The following ECPAS variants were observed in gnomAD, a reference collection of about 807,000 sequenced individuals.
ECPAS encodes the protein Ecm29 proteasome adaptor and scaffold.
A neutral mutation model predicts 255.1 loss-of-function variants in ECPAS; 70 were observed. The observed-to-expected ratio is 0.27, with a 90% CI of 0.23 to 0.33. The LOEUF (loss-of-function observed/expected upper bound fraction) is 0.33. Ranked by LOEUF, ECPAS falls within the 10% of genes least tolerant of loss-of-function variation. The probability of loss-of-function intolerance (pLI) is 1.00; values close to 1 mark genes in which losing one functional copy is unlikely to be tolerated. For synonymous variants in ECPAS, 784 were observed against 775.0 expected, an observed-to-expected ratio of 1.01 and a Z score of -0.19; for missense variants, 1,817 against 2,206.4, an observed-to-expected ratio of 0.82 and a Z score of 3.54.
chr9:111,366,495 A>T, intron 47 of ECPAS, 27 bp downstream of exon 47: 1 of 1,543,432 alleles, frequency 6.5e-7, no homozygotes, highest in Non-Finnish European at 9.0e-7. Flanking sequence ...GGAACAAAAT[A>T]AAAAACTGAG....
chr9:111,398,037 G>A (rs16916063), intron 24 of ECPAS, among the ~76,000 whole-genome samples: 8,489 of 152,202 alleles, frequency 0.056, 575 homozygotes, highest in African/African-American at 0.15. Flanking sequence ...ACTGTGAACC[G>A]GAAGAAATTT....
rs552829020 is a variant in ECPAS, at chr9:111,420,077, G to A, written c.1499C>T (p.Thr500Met). 15 of 1,612,580 alleles carry A rather than the reference G, an allele frequency of 9.3e-6. No homozygotes were observed. Among genetic ancestry groups the A allele is most frequent in the Admixed American group, 1.7e-5 (1 of 59,932 alleles). Residue 500 changes from threonine to methionine, a missense_variant, in exon 16 of 50, where the codon ACG becomes ATG. Thr to Met is a moderately conservative substitution (Grantham distance 81, BLOSUM62 -1). Transcript: ENST00000684092. ...VRQVAVKFAS[T>M]VFPSDHIPSR... ...AGGGATATGATCTGAGGGAAACACC[G>A]TACTGGCAAATTTCACAGCCACTTG...
chr9:111,370,494 C>T lies in ECPAS; in HGVS notation c.4915G>A (p.Ala1639Thr), dbSNP rs1345935235. 2 of 1,611,168 alleles carry T rather than the reference C, an allele frequency of 1.2e-6. No homozygotes were observed. Among genetic ancestry groups the T allele is most frequent in the African/African-American group, 2.7e-5 (2 of 74,882 alleles). ...TCCTGGAATCTGTCCTCTTTGGTGGCCTTCAAGATATCAGCTGCACAGCTG... is the reference window on the plus strand; with the variant it reads ...TCCTGGAATCTGTCCTCTTTGGTGGTCTTCAAGATATCAGCTGCACAGCTG... ...AISCAADILK[A>T]TKEDRFQEFS... Residue 1639 changes from alanine (A) to threonine (T), a missense_variant, in exon 45 of 50, where the codon GCC becomes ACC. Ala to Thr is a moderately conservative substitution (Grantham distance 58, BLOSUM62 0). Coordinates refer to ENST00000684092, the MANE Select transcript of ECPAS (RefSeq NM_001364929.1).
chr9:111,426,714 C>T (rs909004858), intron 10 of ECPAS, among the ~76,000 whole-genome samples: 5 of 149,976 alleles, frequency 3.3e-5, no homozygotes, highest in Admixed American at 3.3e-4. Flanking sequence ...AAAAAAAAAT[C>T]CCAGCACTTT....
intron 48 of ECPAS, among the ~76,000 whole-genome samples, chr9:111,365,323 T>TCATCATCAC (rs903026856): frequency 3.3e-4 from 49 of 148,446 alleles, no homozygotes; most frequent in African/African-American, 9.6e-4. Context: ...ATCATCATCA[T>TCATCATCAC]CACCTGGACT....
At position 111,420,123 on chromosome 9, in the gene ECPAS, A is replaced by G. The variant is rs756645366; in HGVS notation, c.1456-3T>C. On this transcript the variant is annotated splice_region_variant and splice_polypyrimidine_tract_variant and intron_variant, in intron 15 of 49. Coordinates refer to ENST00000684092, the MANE Select transcript of ECPAS (RefSeq NM_001364929.1). ...ACTTGTCGAACTTGAACTTCAGGCT[A>G]TTTCATGTGTAAACATACACAGACC... 8 of 1,608,062 alleles carry G rather than the reference A, an allele frequency of 5.0e-6. No individual in the cohort carries two copies. Among genetic ancestry groups the G allele is most frequent in the Non-Finnish European group, 6.8e-6 (8 of 1,175,170 alleles).
chr9:111,464,172 C>T (rs1282930227), intron 2 of ECPAS, among the ~76,000 whole-genome samples: 1 of 151,796 alleles, frequency 6.6e-6, no homozygotes, highest in Non-Finnish European at 1.5e-5. Flanking sequence ...GTGGCTCACA[C>T]CTTTAATCCC....
intron 37 of ECPAS, 44 bp from the exon 38 acceptor site, chr9:111,375,246 G>T: frequency 6.9e-7 from 1 of 1,455,138 alleles, no homozygotes. Flanking sequence ...TGGCAAATAA[G>T]TCAGGACCAC....
intron 36 of ECPAS, 78 bp downstream of exon 36, chr9:111,378,502 T>G: frequency 7.1e-7 from 1 of 1,409,686 alleles, no homozygotes; most frequent in Non-Finnish European, 9.6e-7. Context: ...AGTGACAGTG[T>G]CATTCAAATG....
chr9:111,446,651 C>T (rs1021094276), intron 3 of ECPAS, among the ~76,000 whole-genome samples: 1 of 152,178 alleles, frequency 6.6e-6, no homozygotes, highest in Non-Finnish European at 1.5e-5. Flanking sequence ...TCTATGCACT[C>T]TTCCCCCAGG....
chr9:111,372,325 T>C, intron 42 of ECPAS, 104 bp downstream of exon 42: 4 of 1,084,906 alleles, frequency 3.7e-6, no homozygotes, highest in Non-Finnish European at 5.5e-6. Flanking sequence ...CATATTAAGG[T>C]CCTGGGAAAG....
At position 111,417,949 on chromosome 9, in the gene ECPAS, G is replaced by C; in HGVS notation, c.1617C>G (p.Asn539Lys). Reference sequence around the variant, plus strand: ...TCTGCTCAGAAGTACTTTCTTTTCTGTTTCTACCTGGAAGACACCTTAATA... The same window carrying C: ...TCTGCTCAGAAGTACTTTCTTTTCTCTTTCTACCTGGAAGACACCTTAATA... ...QRVLRCLPGR[N>K]RKESTSEQMP... is the part of the protein sequence containing the mutation. Residue 539 changes from asparagine (N) to lysine (K), a missense_variant, in exon 17 of 50, where the codon AAC becomes AAG. Coordinates refer to ENST00000684092, the MANE Select transcript of ECPAS (RefSeq NM_001364929.1). 1.9e-6 allele frequency: 3 copies of C among 1,605,120 alleles called. No homozygotes were observed. The highest frequency in any genetic ancestry group is 2.6e-6 in the Non-Finnish European group (3 of 1,175,542).
chr9:111,389,509 G>A (rs745915013), intron 31 of ECPAS, 47 bp downstream of exon 31: 1 of 1,559,840 alleles, frequency 6.4e-7, no homozygotes, highest in Non-Finnish European at 8.7e-7. Context: ...GCATGACCCT[G>A]GACAGTCTAC....
chr9:111,373,040 A>G (rs1421004183), intron 41 of ECPAS, 130 bp downstream of exon 41: 2 of 842,770 alleles, frequency 2.4e-6, no homozygotes, highest in Non-Finnish European at 3.8e-6. Context: ...TCAAAAAAAA[A>G]GAAAAGAAAA....
Position 111,383,327 on chromosome 9 carries a change from A to C in ECPAS, c.3687T>G (p.Cys1229Trp). ...CTTTGGCAGGGTCACACATTTTCAC[A>C]CAGACCTCACATACAAAGAGCATGG... is the stretch of plus-strand genomic sequence containing the variant. ...ELALKTLSKV[C>W]VKMCDPAKGA... The change falls in exon 35 of 50, where the codon TGT becomes TGG. Residue 1229 changes from cysteine (C) to tryptophan (W), a missense_variant. Transcript: ENST00000684092. The C allele has an allele frequency of 6.2e-7, 1 of 1,610,226 alleles. No homozygotes were observed. Among genetic ancestry groups the C allele is most frequent in the Non-Finnish European group, 8.5e-7 (1 of 1,178,196 alleles).
At chr9:111,377,505 T>C (rs1019139200) in intron 36 of ECPAS, among the ~76,000 whole-genome samples, 1 of 152,176 alleles carries the variant, frequency 6.6e-6, no homozygotes, top group Non-Finnish European at 1.5e-5. Context: ...CTTAAAACCT[T>C]TGATGTTGCA....
At chr9:111,411,195 G>T in intron 21 of ECPAS, 53 bp from the exon 22 acceptor site, 1 of 1,560,086 alleles carries the variant, frequency 6.4e-7, no homozygotes, top group South Asian at 1.1e-5. Flanking sequence ...ATATACGCAA[G>T]AATACATGGC....
At chr9:111,435,406 CA>C (rs1333613918) in intron 7 of ECPAS, among the ~76,000 whole-genome samples, 1 of 152,138 alleles carries the variant, frequency 6.6e-6, no homozygotes, top group Non-Finnish European at 1.5e-5. Context: ...GGCATATTGG[CA>C]AATAATGACC....
intron 2 of ECPAS, among the ~76,000 whole-genome samples, chr9:111,460,646 A>G (rs998508008): frequency 6.6e-6 from 1 of 152,236 alleles, no homozygotes; most frequent in Non-Finnish European, 1.5e-5. Flanking sequence ...CCTATATAAT[A>G]GTAATAAACC....
Sources: gnomAD v4.1 joint callset for allele counts (sites outside exome capture counted in the v4.1 genomes callset) on GRCh38, gnomAD v4.1.1 for gene constraint, MANE v1.5 for transcripts, NCBI Gene and HGNC (gene_info 2026-07-23, HGNC 2026-07-21) for gene names.